The following RBFOX1 variants were observed in gnomAD, a reference collection of about 807,000 sequenced individuals.
The protein encoded by RBFOX1 is RNA binding fox-1 homolog 1.
Under a neutral mutation model 57.7 loss-of-function variants are expected in RBFOX1, and 8 were observed. The ratio of observed to expected loss-of-function variants is 0.14; its 90% CI spans 0.08 to 0.25. RBFOX1 has a LOEUF of 0.25. Among genes scored for constraint, RBFOX1 ranks in the 10% least tolerant of loss-of-function variants. The probability of loss-of-function intolerance (pLI) is 1.00; values close to 1 mark genes in which losing one functional copy is unlikely to be tolerated. For synonymous variants in RBFOX1, 326 were observed against 222.4 expected, an observed-to-expected ratio of 1.47 and a Z score of -4.15; for missense variants, 611 against 548.5, an observed-to-expected ratio of 1.11 and a Z score of -1.14.
chr16:7,599,638 C>CTATTTTT (rs2094902483), intron 9 of RBFOX1, among the ~76,000 whole-genome samples: 1 of 62,804 alleles, frequency 1.6e-5, no homozygotes, highest in South Asian at 4.7e-4. Flanking sequence ...TTAATAAAGA[C>CTATTTTT]TTTTTTTTTT....
intron 4 of RBFOX1, among the ~76,000 whole-genome samples, chr16:5,949,386 CATG>C (rs1034821663): frequency 6.6e-6 from 1 of 151,796 alleles, no homozygotes; most frequent in African/African-American, 2.4e-5. Context: ...ATTAGCCTGG[CATG>C]GTGGTGGGCG....
At chr16:5,883,298 A>T (rs1419208152) in intron 4 of RBFOX1, among the ~76,000 whole-genome samples, 1 of 152,232 alleles carries the variant, frequency 6.6e-6, no homozygotes, top group Non-Finnish European at 1.5e-5. Context: ...TATGTGTGTT[A>T]AAATCAGAAA....
intron 3 of RBFOX1, among the ~76,000 whole-genome samples, chr16:6,676,480 G>A (rs559162520): frequency 6.6e-6 from 1 of 152,122 alleles, no homozygotes; most frequent in East Asian, 1.9e-4. Context: ...GGTCCTGAAT[G>A]GGGAGGGCCT....
intron 3 of RBFOX1, among the ~76,000 whole-genome samples, chr16:5,781,529 C>CT (rs573343366): frequency 1.6e-3 from 241 of 152,310 alleles, no homozygotes; most frequent in African/African-American, 5.4e-3. Context: ...AATTGGCAAA[C>CT]TTTTTTCTGT....
chr16:5,424,189 G>A (rs149346246), intron 1 of RBFOX1, among the ~76,000 whole-genome samples: 2 of 152,098 alleles, frequency 1.3e-5, no homozygotes, highest in African/African-American at 2.4e-5. Context: ...GTTCTCTCTC[G>A]TTTGTTGAAT....
At chr16:6,743,098 G>A (rs969520528) in intron 3 of RBFOX1, among the ~76,000 whole-genome samples, 1 of 152,122 alleles carries the variant, frequency 6.6e-6, no homozygotes, top group Non-Finnish European at 1.5e-5. Context: ...CTGTGTATTT[G>A]TAATATTTTC....
At chr16:5,526,357 C>T (rs1360043716) in intron 2 of RBFOX1, among the ~76,000 whole-genome samples, 1 of 152,170 alleles carries the variant, frequency 6.6e-6, no homozygotes, top group Non-Finnish European at 1.5e-5. Flanking sequence ...GGCACAATCT[C>T]ATCTCACTGC....
In RBFOX1 at chr16:5,418,100, A is replaced by AACAAC. The variant is rs1374462092; in HGVS notation, c.220-49112_220-49111insCACAA. On this transcript the variant is annotated intron_variant, in intron 1 of 2. Transcript: ENST00000585867. ...CCATCTCAACAACAACAACAACAAC[A>AACAAC]ACAAATCTGTAAACTATGCAGAAAT... is the stretch of plus-strand genomic sequence containing the variant. Among the ~76,000 whole-genome samples, 1,404 of 152,178 alleles carry AACAAC rather than the reference A, an allele frequency of 9.2e-3. 22 individuals are homozygous for AACAAC. Among genetic ancestry groups the AACAAC allele is most frequent in the African/African-American group, 0.032 (1,346 of 41,506 alleles).
intron 1 of RBFOX1, among the ~76,000 whole-genome samples, chr16:6,219,403 G>C (rs2097357135): frequency 6.6e-6 from 1 of 152,200 alleles, no homozygotes; most frequent in Non-Finnish European, 1.5e-5. Flanking sequence ...AACCATGGTT[G>C]TGCCACGACA....
intron 4 of RBFOX1, among the ~76,000 whole-genome samples, chr16:7,473,223 C>T (rs981226964): frequency 6.6e-6 from 1 of 151,858 alleles, no homozygotes; most frequent in Admixed American, 6.6e-5. Context: ...ACTAAAAACA[C>T]AAAAACTAGC....
intron 2 of RBFOX1, among the ~76,000 whole-genome samples, chr16:6,471,301 G>C (rs1257912299): frequency 6.6e-6 from 1 of 152,100 alleles, no homozygotes; most frequent in Admixed American, 6.5e-5. Context: ...GATGCCCTTT[G>C]CCTTTAGTTA....
chr16:5,252,773 A>G (rs1596310149), intron 1 of RBFOX1, among the ~76,000 whole-genome samples: 2 of 152,178 alleles, frequency 1.3e-5, no homozygotes, highest in African/African-American at 4.8e-5. Flanking sequence ...GATGGCTGCA[A>G]AGCTTTCCCC....
chr16:6,021,515 G>A (rs1055512895), intron 1 of RBFOX1, among the ~76,000 whole-genome samples: 1 of 152,224 alleles, frequency 6.6e-6, no homozygotes, highest in Non-Finnish European at 1.5e-5. Context: ...GGCAGTGGCT[G>A]TGCTGGTAAA....
intron 14 of RBFOX1, among the ~76,000 whole-genome samples, chr16:7,694,841 A>T (rs2078284857): frequency 6.6e-6 from 1 of 152,178 alleles, no homozygotes; most frequent in Non-Finnish European, 1.5e-5. Flanking sequence ...TGTTAATTTA[A>T]AATGTTCATA....
chr16:7,049,572 C>G (rs2049250734), intron 3 of RBFOX1, among the ~76,000 whole-genome samples: 1 of 152,120 alleles, frequency 6.6e-6, no homozygotes, highest in South Asian at 2.1e-4. Context: ...CTTTATATGG[C>G]TGGGTGTCTG....
At chr16:5,998,793 T>C (rs1249104043) in intron 4 of RBFOX1, among the ~76,000 whole-genome samples, 3 of 152,234 alleles carry the variant, frequency 2.0e-5, no homozygotes, top group African/African-American at 7.2e-5. Flanking sequence ...CGGCATCTTC[T>C]TGGCACCCAC....
chr16:5,446,850 G>T (rs1476335144), intron 1 of RBFOX1, among the ~76,000 whole-genome samples: 2 of 152,078 alleles, frequency 1.3e-5, no homozygotes, highest in African/African-American at 4.8e-5. Flanking sequence ...ATGTGGTCTT[G>T]GGTACCACAA....
intron 3 of RBFOX1, among the ~76,000 whole-genome samples, chr16:5,681,631 G>A (rs902222380): frequency 2.3e-4 from 35 of 151,974 alleles, no homozygotes; most frequent in Admixed American, 7.9e-4. Flanking sequence ...GACCTCAGGT[G>A]ATCCACCCAC....
chr16:6,754,762 G>T (rs913010710), intron 3 of RBFOX1, among the ~76,000 whole-genome samples: 10 of 151,986 alleles, frequency 6.6e-5, no homozygotes, highest in African/African-American at 2.2e-4. Flanking sequence ...GTGCAGGTTA[G>T]TTACATATGT....
Sources: allele counts gnomAD v4.1 joint callset (sites outside exome capture counted in the v4.1 genomes callset), GRCh38; gene constraint gnomAD v4.1.1; transcripts MANE v1.5; gene names NCBI Gene and HGNC (gene_info 2026-07-23, HGNC 2026-07-21).